DISP2: variants seen among roughly 807,000 people sequenced by gnomAD.
DISP2 encodes dispatched RND transporter family member 2.
A neutral mutation model predicts 95.5 loss-of-function variants in DISP2; 59 were observed. That is an observed-to-expected ratio of 0.62 (90% CI 0.50 to 0.77). The LOEUF (loss-of-function observed/expected upper bound fraction) is 0.77. DISP2 is among the 30% of genes least tolerant of loss of function. The pLI is 0.00. For synonymous variants in DISP2, 827 were observed against 815.0 expected (o/e 1.01, Z -0.25); for missense variants, 1,752 against 1,854.6 (o/e 0.94, Z 1.02).
Position 40,368,262 on chromosome 15 carries a change from G to A in DISP2, c.2150G>A (p.Gly717Asp). 2 of 1,609,556 alleles carry A rather than the reference G, an allele frequency of 1.2e-6. No homozygotes were observed. Among genetic ancestry groups the A allele is most frequent in the Non-Finnish European group, 1.7e-6 (2 of 1,178,720 alleles). The change falls in exon 8 of 8, where the codon GGC becomes GAC. Residue 717 changes from glycine (G) to aspartate (D), a missense_variant. Around this residue, in one of 5 missense-constraint regions of DISP2, gnomAD observed 732 missense variants for 714.6 expected, o/e 1.02. Transcript: ENST00000267889. ...ICWFAALAAG[G>D]AYIAGVSPRL... The stretch of plus-strand genomic sequence containing the variant: ...TGGTTCGCAGCACTGGCGGCAGGGG[G>A]CGCCTACATCGCCGGAGTCAGCCCC...
In DISP2 at chr15:40,367,357, G is replaced by A. The variant is rs1595727416; in HGVS notation, c.1245G>A (p.Leu415=). Residue 415 remains leucine (L), a synonymous_variant, in exon 8 of 8, where the codon CTG becomes CTA. Coordinates refer to ENST00000267889, the MANE Select transcript of DISP2 (RefSeq NM_033510.3). The part of the protein sequence containing the change: ...SSAIYQLLHF[L]LDRDFLSPQT... ...CCATCTACCAACTCCTGCACTTTCT[G>A]CTTGACAGGGACTTTCTGAGTCCCC... The A allele has an allele frequency of 1.2e-6, 2 of 1,613,422 alleles. No individual in the cohort carries two copies. Among genetic ancestry groups the A allele is most frequent in the East Asian group, 4.5e-5 (2 of 44,772 alleles).
chr15:40,376,707 A>G lies in DISP2; in HGVS notation c.*6389A>G, dbSNP rs1246081412. ...GTAGACCCAGCTACTCCAGAGGCTG[A>G]AGCAAGAGGATCACTTGAACTCTGG... is the stretch of plus-strand genomic sequence containing the variant. On this transcript the variant is annotated 3_prime_UTR_variant, in exon 8 of 8. Transcript: ENST00000267889. 1.3e-5 allele frequency: 2 copies of G among 152,206 alleles called. No individual in the cohort carries two copies. The highest frequency in any genetic ancestry group is 1.9e-4 in the East Asian group (1 of 5,200). 9.4% of individuals were successfully genotyped at this position (152,206 alleles called of 1,614,324 possible). A position where few individuals can be genotyped will look rare whatever the true frequency, so the allele number is the denominator to read the frequency against.
At position 40,374,014 on chromosome 15, in the gene DISP2, A is replaced by AATATATATATATATATATAT. The variant is rs1555400589; in HGVS notation, c.*3714_*3715insATATATATATATATATATAT. On this transcript the variant is annotated 3_prime_UTR_variant, in exon 8 of 8. Coordinates refer to ENST00000267889, the MANE Select transcript of DISP2 (RefSeq NM_033510.3). ...GCGAGACTCCATCTTAAAAAAAAAA[A>AATATATATATATATATATAT]ATATATATATATATATATGTAAACT... is the stretch of plus-strand genomic sequence containing the variant. 2.9e-5 allele frequency: 3 copies of AATATATATATATATATATAT among 104,140 alleles called. No homozygotes were observed. The highest frequency in any genetic ancestry group is 1.3e-4 in the African/African-American group (3 of 23,942). 6.5% of individuals were successfully genotyped at this position (104,140 alleles called of 1,614,324 possible). A position where few individuals can be genotyped will look rare whatever the true frequency, so the allele number is the denominator to read the frequency against.
At chr15:40,360,081 C>G (rs1889383956) in intron 1 of DISP2, among the ~76,000 whole-genome samples, 1 of 152,172 alleles carries the variant, frequency 6.6e-6, no homozygotes. Flanking sequence ...GTCTCTGTGT[C>G]TAGGAGCCTG....
At chr15:40,363,588 C>T in intron 1 of DISP2, 37 bp from the exon 2 acceptor site, 1 of 1,425,874 alleles carries the variant, frequency 7.0e-7, no homozygotes, top group Non-Finnish European at 9.4e-7. Flanking sequence ...CCACCACCAT[C>T]CCCCACCCCA....
rs980032484 is a variant in DISP2 at position 40,370,688 on chromosome 15, A to G, written c.*370A>G. ...AAGTTACAAGAACTTCAGTGAGACT[A>G]AGGGACCCCCATCCTAGGGATCTTG... On this transcript the variant is annotated 3_prime_UTR_variant, in exon 8 of 8. Coordinates refer to ENST00000267889, the MANE Select transcript of DISP2 (RefSeq NM_033510.3). 1.6e-5 allele frequency: 8 copies of G among 490,088 alleles called. No individual in the cohort carries two copies. Among genetic ancestry groups the G allele is most frequent in the Non-Finnish European group, 3.2e-5 (8 of 250,178 alleles). 30.4% of individuals were successfully genotyped at this position (490,088 alleles called of 1,614,324 possible).
chr15:40,361,447 A>G (rs1889404472), intron 1 of DISP2, among the ~76,000 whole-genome samples: 1 of 152,224 alleles, frequency 6.6e-6, no homozygotes, highest in Non-Finnish European at 1.5e-5. Context: ...CACATATGTT[A>G]CATCAGTTAA....
chr15:40,370,511 T>G lies in DISP2; in HGVS notation c.*193T>G. ...GCTCCTACTCCTCACATCTGGAGGA[T>G]TCCAGCAGGAGGGGTTTTGGAGGGG... On this transcript the variant is annotated 3_prime_UTR_variant, in exon 8 of 8. Coordinates refer to ENST00000267889, the MANE Select transcript of DISP2 (RefSeq NM_033510.3). 1 of 1,091,298 alleles carries G rather than the reference T, an allele frequency of 9.2e-7. No individual in the cohort carries two copies. The highest frequency in any genetic ancestry group is 1.4e-5 in the South Asian group (1 of 73,292). The allele number at this position is 1,091,298 out of a possible 1,614,324, so 67.6% of individuals were successfully genotyped here.
Position 40,368,133 on chromosome 15 carries a change from GGCGGCTCC to G in DISP2, c.2027_2034del (p.Leu676ProfsTer113), listed in dbSNP as rs1889543522. ...CGGCGGCTACTGCTGGCGCTGCACC[GGCGGCTCC>G]GCGGCCTGCGGAGGGCGGCGGCTGG... On this transcript the variant is annotated frameshift_variant, in exon 8 of 8. Transcript: ENST00000267889. LOFTEE classifies it high-confidence loss of function. 1.4e-6 allele frequency: 2 copies of G among 1,470,156 alleles called. No individual in the cohort carries two copies. Among genetic ancestry groups the G allele is most frequent in the East Asian group, 2.8e-5 (1 of 35,638 alleles). The allele number at this position is 1,470,156 out of a possible 1,614,324, so 91.1% of individuals were successfully genotyped here.
Position 40,368,170 on chromosome 15 carries a change from C to G in DISP2, c.2058C>G (p.Thr686=). Reference sequence around the variant, plus strand: ...GCCTGCGGAGGGCGGCGGCTGGCACCTCGCGTCTGCTCTTCCAGCGCCTGC... The same window carrying G: ...GCCTGCGGAGGGCGGCGGCTGGCACGTCGCGTCTGCTCTTCCAGCGCCTGC... ...LRGLRRAAAG[T]SRLLFQRLLP... is the part of the protein sequence containing the mutation. Residue 686 remains threonine (T), a synonymous_variant, in exon 8 of 8, where the codon ACC becomes ACG. Coordinates refer to ENST00000267889, the MANE Select transcript of DISP2 (RefSeq NM_033510.3). 6.3e-7 allele frequency: 1 copy of G among 1,575,914 alleles called. No individual in the cohort carries two copies. The highest frequency in any genetic ancestry group is 1.4e-5 in the African/African-American group (1 of 72,394).
intron 1 of DISP2, among the ~76,000 whole-genome samples, chr15:40,363,113 C>T (rs1429242133): frequency 6.6e-6 from 1 of 150,820 alleles, no homozygotes; most frequent in East Asian, 2.0e-4. Context: ...ACCATCCTGA[C>T]TAACACGGTG....
chr15:40,370,122 G>A lies in DISP2; in HGVS notation c.4010G>A (p.Arg1337Gln), dbSNP rs150477359. Reference protein sequence around the residue: ...VLERGQLNGKRDTLWLALRET... With the variant: ...VLERGQLNGKQDTLWLALRET... Reference sequence around the variant, plus strand: ...GAGCGAGGCCAGCTCAATGGGAAGCGGGACACCCTGTGGCTGGCGCTGAGG... The same window carrying A: ...GAGCGAGGCCAGCTCAATGGGAAGCAGGACACCCTGTGGCTGGCGCTGAGG... The change falls in exon 8 of 8, where the codon CGG becomes CAG. Residue 1337 changes from arginine to glutamine, a missense_variant. Physicochemically the swap from Arg to Gln is conservative, Grantham distance 43. Around this residue, in one of 5 missense-constraint regions of DISP2, gnomAD observed 347 missense variants for 344.2 expected, o/e 1.01. Transcript: ENST00000267889. 4.0e-5 allele frequency: 64 copies of A among 1,607,210 alleles called. No individual in the cohort carries two copies. Among genetic ancestry groups the A allele is most frequent in the African/African-American group, 1.2e-4 (9 of 74,832 alleles).
rs1245555086 is a variant in DISP2 at position 40,374,908 on chromosome 15, C to T, written c.*4590C>T. 6.6e-6 allele frequency: 1 copy of T among 152,164 alleles called. No individual in the cohort carries two copies. Among genetic ancestry groups the T allele is most frequent in the African/African-American group, 2.4e-5 (1 of 41,440 alleles). The allele number at this position is 152,164 out of a possible 1,614,324, so 9.4% of individuals were successfully genotyped here. The stretch of plus-strand genomic sequence containing the variant: ...ACAGGTGTGAGCCACTACACCCGGC[C>T]CTGATCTTTTCTTTGACGGTGGCAG... On this transcript the variant is annotated 3_prime_UTR_variant, in exon 8 of 8. Transcript: ENST00000267889.
At chr15:40,365,946 G>A (rs1041632556) in intron 7 of DISP2, among the ~76,000 whole-genome samples, 13 of 152,218 alleles carry the variant, frequency 8.5e-5, no homozygotes, top group African/African-American at 2.7e-4. Flanking sequence ...TGCTGGAAGC[G>A]AGCCCATGCA....
intron 7 of DISP2, among the ~76,000 whole-genome samples, chr15:40,365,981 C>G (rs928860629): frequency 7.2e-5 from 11 of 152,232 alleles, no homozygotes; most frequent in African/African-American, 2.7e-4. Context: ...CCAAAAGGTC[C>G]TGAAAGGGCC....
At position 40,377,742 on chromosome 15, in the gene DISP2, A is replaced by G. The variant is rs555610821; in HGVS notation, c.*7424A>G. ...TGTTCCACAGAGCATGATTCATCAT[A>G]TAAGTGTAAGGAAACCACTTGAGAC... On this transcript the variant is annotated 3_prime_UTR_variant, in exon 8 of 8. Coordinates refer to ENST00000267889, the MANE Select transcript of DISP2 (RefSeq NM_033510.3). 2 of 152,538 alleles carry G rather than the reference A, an allele frequency of 1.3e-5. No homozygotes were observed. The highest frequency in any genetic ancestry group is 4.1e-4 in the South Asian group (2 of 4,832). The allele number at this position is 152,538 out of a possible 1,614,324, so 9.4% of individuals were successfully genotyped here.
In DISP2 at chr15:40,363,612, CCT is replaced by C; in HGVS notation, c.120-8_120-7del. 1 of 1,511,336 alleles carries C rather than the reference CCT, an allele frequency of 6.6e-7. No individual in the cohort carries two copies. Among genetic ancestry groups the C allele is most frequent in the Non-Finnish European group, 8.8e-7 (1 of 1,130,206 alleles). The allele number at this position is 1,511,336 out of a possible 1,614,324, so 93.6% of individuals were successfully genotyped here. A position where few individuals can be genotyped will look rare whatever the true frequency, so the allele number is the denominator to read the frequency against. On this transcript the variant is annotated splice_polypyrimidine_tract_variant and intron_variant, in intron 1 of 7. Transcript: ENST00000267889. ...TCCCCCACCCCAATCTTCCTTGTCTCCTCTCTTCCTAGCACCCAGACCAAGGC... is the reference window on the plus strand; with the variant it reads ...TCCCCCACCCCAATCTTCCTTGTCTCCTCTTCCTAGCACCCAGACCAAGGC...
Position 40,368,216 on chromosome 15 carries a change from T to C in DISP2, c.2104T>C (p.Phe702Leu). 2 of 1,610,208 alleles carry C rather than the reference T, an allele frequency of 1.2e-6. No individual in the cohort carries two copies. The highest frequency in any genetic ancestry group is 1.7e-6 in the Non-Finnish European group (2 of 1,179,094). ...QRLLPCGVIK[F>L]RYIWICWFAA... is the part of the protein sequence containing the mutation. Reference sequence around the variant, plus strand: ...CCTGCTGCCCTGCGGCGTCATCAAGTTCCGCTACATCTGGATCTGCTGGTT... The same window carrying C: ...CCTGCTGCCCTGCGGCGTCATCAAGCTCCGCTACATCTGGATCTGCTGGTT... Residue 702 changes from phenylalanine (F) to leucine (L), a missense_variant, in exon 8 of 8, where the codon TTC becomes CTC. Coordinates refer to ENST00000267889, the MANE Select transcript of DISP2 (RefSeq NM_033510.3).
rs1001270381 is a variant in DISP2 at position 40,364,512 on chromosome 15, G to T, written c.571G>T (p.Ala191Ser). 6.2e-7 allele frequency: 1 copy of T among 1,613,902 alleles called. No homozygotes were observed. Among genetic ancestry groups the T allele is most frequent in the African/African-American group, 1.3e-5 (1 of 75,070 alleles). The change falls in exon 4 of 8, where the codon GCC becomes TCC. Residue 191 changes from alanine (A) to serine (S), a missense_variant. Coordinates refer to ENST00000267889, the MANE Select transcript of DISP2 (RefSeq NM_033510.3). ...CTGCACCCTGGCTGGACTGTTGGGGGCCCGGCTGCCCGACTTCTCCAAGCC... is the reference window on the plus strand; with the variant it reads ...CTGCACCCTGGCTGGACTGTTGGGGTCCCGGCTGCCCGACTTCTCCAAGCC... ...FLCTLAGLLG[A>S]RLPDFSKPLL...
Sources: allele counts gnomAD v4.1 joint callset (sites outside exome capture counted in the v4.1 genomes callset), GRCh38; gene constraint gnomAD v4.1.1; regional missense constraint gnomAD v4.1.1; transcripts MANE v1.5; gene names NCBI Gene and HGNC (gene_info 2026-07-23, HGNC 2026-07-21).